The following AHNAK variants were observed in gnomAD, a reference collection of about 807,000 sequenced individuals.
The protein encoded by AHNAK is AHNAK nucleoprotein.
In AHNAK, 23 loss-of-function variants were observed where a neutral mutation model predicts 37.8. That is an observed-to-expected ratio of 0.61 (90% CI 0.44 to 0.86). AHNAK has a LOEUF of 0.86. Ranked by LOEUF, AHNAK falls within the 40% of genes least tolerant of loss-of-function variation. The pLI, the probability that AHNAK is intolerant of heterozygous loss-of-function variation, is 0.00. For synonymous variants in AHNAK, 2,481 were observed against 2,636.3 expected (o/e 0.94, Z 1.80); for missense variants, 7,411 against 7,319.4 (o/e 1.01, Z -0.46).
In AHNAK at chr11:62,516,707, TTA is replaced by T. The variant is rs142437234; in HGVS notation, c.*35_*36del. The T allele has an allele frequency of 1.8e-3, 2,489 of 1,369,656 alleles. No homozygotes were observed. The highest frequency in any genetic ancestry group is 4.7e-3 in the South Asian group (322 of 68,192). The allele number at this position is 1,369,656 out of a possible 1,614,324, so 84.8% of individuals were successfully genotyped here. On this transcript the variant is annotated 3_prime_UTR_variant, in exon 5 of 5. Coordinates refer to ENST00000378024, the MANE Select transcript of AHNAK (RefSeq NM_001620.3). ...CACACCACCCAAGGCTGATGTTTTG[TTA>T]TATATATATATATGTACACACATAC... is the stretch of plus-strand genomic sequence containing the variant.
At chr11:62,462,726 A>G (rs949069735) in intron 5 of AHNAK, among the ~76,000 whole-genome samples, 77 of 152,236 alleles carry the variant, frequency 5.1e-4, no homozygotes, top group African/African-American at 1.9e-3. Flanking sequence ...ACAGTTGATT[A>G]TCTGGTTACA....
intron 5 of AHNAK, among the ~76,000 whole-genome samples, chr11:62,465,201 T>C (rs1938881361): frequency 6.6e-6 from 1 of 152,214 alleles, no homozygotes; most frequent in Non-Finnish European, 1.5e-5. Flanking sequence ...TACACACTGA[T>C]GGCCCTTGCG....
At position 62,528,180 on chromosome 11, in the gene AHNAK, G is replaced by GAAA. The variant is rs1565238562; in HGVS notation, c.6236_6237insTTT (p.Val2079_Ser2080insPhe). 1 of 1,613,860 alleles carries GAAA rather than the reference G, an allele frequency of 6.2e-7. No homozygotes were observed. On this transcript the variant is annotated inframe_insertion, in exon 5 of 5. Coordinates refer to ENST00000378024, the MANE Select transcript of AHNAK (RefSeq NM_001620.3). ...CTTCAACATCCACCTTGGGTCCTGA[G>GAAA]ACAACAACATCAGCCTTGGGCAAGT...
chr11:62,520,446 C>T lies in AHNAK; in HGVS notation c.13971G>A (p.Met4657Ile). The T allele has an allele frequency of 6.2e-7, 1 of 1,614,054 alleles. No individual in the cohort carries two copies. The change falls in exon 5 of 5, where the codon ATG (methionine) becomes ATA (isoleucine). Residue 4657 changes from methionine to isoleucine, a missense_variant. By Grantham distance (10) the Met-to-Ile change is conservative. Coordinates refer to ENST00000378024, the MANE Select transcript of AHNAK (RefSeq NM_001620.3). ...TGAAGCCAGGCATGCTGAACTTGGG[C>T]ATTTTCACTTTGGGCATTTTTAGGT... ...DWHLKMPKVK[M>I]PKFSMPGFKG...
Position 62,546,798 on chromosome 11 carries a change from C to G in AHNAK, c.-238G>C, listed in dbSNP as rs984936595. On this transcript the variant is annotated 5_prime_UTR_variant, in exon 1 of 5. Coordinates refer to ENST00000378024, the MANE Select transcript of AHNAK (RefSeq NM_001620.3). ...TGCAGTCCCCGCGGCAGAGCAGCTCCGAGTGGCCGGGCCCCCGTGCGCGGA... is the reference window on the plus strand; with the variant it reads ...TGCAGTCCCCGCGGCAGAGCAGCTCGGAGTGGCCGGGCCCCCGTGCGCGGA... 3 of 152,656 alleles carry G rather than the reference C, an allele frequency of 2.0e-5. No individual in the cohort carries two copies. The highest frequency in any genetic ancestry group is 2.0e-4 in the Admixed American group (3 of 15,274). The allele number at this position is 152,656 out of a possible 1,614,324, so 9.5% of individuals were successfully genotyped here.
chr11:62,481,110 T>C (rs1446161150), intron 5 of AHNAK, among the ~76,000 whole-genome samples: 5 of 107,766 alleles, frequency 4.6e-5, no homozygotes, highest in African/African-American at 1.3e-4. Context: ...TTTGGTTTTT[T>C]TTTTGTTTTT....
At chr11:62,497,838 C>G (rs111533564) in intron 4 of AHNAK, among the ~76,000 whole-genome samples, 2,880 of 152,138 alleles carry the variant, frequency 0.019, 88 homozygotes, top group African/African-American at 0.065. Flanking sequence ...GTGGCACGCC[C>G]CTGTAATCCC....
chr11:62,533,201 C>T lies in AHNAK; in HGVS notation c.1216G>A (p.Gly406Ser). ...TCCACACTGGGGCCAGTGATGCTAC[C>T]CCCAATTTGGGGAGCAGAGGCATCC... ...GVDASAPQIGGSITGPSVEVQ... is the reference protein window; with the variant it reads ...GVDASAPQIGSSITGPSVEVQ... The change falls in exon 5 of 5, where the codon GGT becomes AGT. Residue 406 changes from glycine (G) to serine (S), a missense_variant. Coordinates refer to ENST00000378024, the MANE Select transcript of AHNAK (RefSeq NM_001620.3). The T allele has an allele frequency of 1.3e-6, 2 of 1,527,828 alleles. No homozygotes were observed. The highest frequency in any genetic ancestry group is 1.8e-6 in the Non-Finnish European group (2 of 1,142,592). 94.6% of individuals were successfully genotyped at this position (1,527,828 alleles called of 1,614,324 possible).
chr11:62,443,987 C>T (rs946711293), intron 5 of AHNAK, among the ~76,000 whole-genome samples: 3 of 152,240 alleles, frequency 2.0e-5, no homozygotes, highest in African/African-American at 7.2e-5. Context: ...GGTCTGTGAA[C>T]GGGAGCTGCG....
downstream of AHNAK, among the ~76,000 whole-genome samples, chr11:62,510,913 T>C (rs1322174520): frequency 2.0e-5 from 3 of 151,774 alleles, no homozygotes; most frequent in African/African-American, 7.3e-5. Context: ...TCAAAATAAA[T>C]ACACTTTAAA....
In AHNAK at chr11:62,528,294, G is replaced by T; in HGVS notation, c.6123C>A (p.Gly2041=). ...TGGGCATCTTCAGGTGCCAGTCTGG[G>T]CCATGAACATCCACATCTGGGGCAT... The part of the protein sequence containing the change: ...DIDAPDVDVH[G]PDWHLKMPKM... The change falls in exon 5 of 5, where the codon GGC becomes GGA. Residue 2041 remains glycine, a synonymous_variant. Transcript: ENST00000378024. The T allele has an allele frequency of 6.2e-7, 1 of 1,614,094 alleles. No individual in the cohort carries two copies. Among genetic ancestry groups the T allele is most frequent in the South Asian group, 1.1e-5 (1 of 91,074 alleles).
chr11:62,521,092 A>G lies in AHNAK; in HGVS notation c.13325T>C (p.Leu4442Ser). The change falls in exon 5 of 5, where the codon TTG becomes TCG. Residue 4442 changes from leucine (L) to serine (S), a missense_variant. By Grantham distance (145) the Leu-to-Ser change is moderately radical. Coordinates refer to ENST00000378024, the MANE Select transcript of AHNAK (RefSeq NM_001620.3). ...DVNIEGPEGK[L>S]KGPKFKMPEM... Reference sequence around the variant, plus strand: ...AGGCATCTTAAATTTGGGCCCCTTCAATTTTCCTTCCGGACCTTCAATATT... The same window carrying G: ...AGGCATCTTAAATTTGGGCCCCTTCGATTTTCCTTCCGGACCTTCAATATT... 1.2e-6 allele frequency: 2 copies of G among 1,613,958 alleles called. No homozygotes were observed. The highest frequency in any genetic ancestry group is 1.7e-6 in the Non-Finnish European group (2 of 1,179,984).
At position 62,530,891 on chromosome 11, in the gene AHNAK, C is replaced by T; in HGVS notation, c.3526G>A (p.Gly1176Arg). ...TTAAACTTGGGACCCTTCAGCTTCC[C>T]TTCTGGACCTTCGAGGCTCACATCT... ...APDVSLEGPE[G>R]KLKGPKFKMP... is the part of the protein sequence containing the mutation. Residue 1176 changes from glycine (G) to arginine (R), a missense_variant, in exon 5 of 5, where the codon GGG (glycine) becomes AGG (arginine). Coordinates refer to ENST00000378024, the MANE Select transcript of AHNAK (RefSeq NM_001620.3). The T allele has an allele frequency of 6.2e-7, 1 of 1,613,904 alleles. No individual in the cohort carries two copies. The highest frequency in any genetic ancestry group is 1.7e-5 in the Admixed American group (1 of 59,998).
At chr11:62,500,480 C>CGATCAGAG (rs1226652043) in intron 4 of AHNAK, among the ~76,000 whole-genome samples, 1 of 152,126 alleles carries the variant, frequency 6.6e-6, no homozygotes, top group East Asian at 1.9e-4. Context: ...CCTTCGTTAA[C>CGATCAGAG]GATCAGAGTC....
chr11:62,499,666 C>T (rs1490311564), intron 4 of AHNAK, among the ~76,000 whole-genome samples: 1 of 152,092 alleles, frequency 6.6e-6, no homozygotes, highest in Non-Finnish European at 1.5e-5. Flanking sequence ...GGGGTGTGGC[C>T]GAGTGCTGGT....
At chr11:62,545,386 TTGGGCCCCTGGAGTCCCTCA>T (rs1462634452) in intron 1 of AHNAK, among the ~76,000 whole-genome samples, 1 of 152,190 alleles carries the variant, frequency 6.6e-6, no homozygotes, top group East Asian at 1.9e-4. Flanking sequence ...CCAGCCCTGT[TTGGGCCCCTGGAGTCCCTCA>T]TGGTCAGCGC....
chr11:62,490,659 G>A (rs1939490399), intron 5 of AHNAK, among the ~76,000 whole-genome samples: 1 of 152,176 alleles, frequency 6.6e-6, no homozygotes, highest in Admixed American at 6.6e-5. Context: ...ATAGAAGGAA[G>A]CGGAGCTCCC....
In AHNAK at chr11:62,517,298, G is replaced by GT; in HGVS notation, c.17118dup (p.Leu5707ThrfsTer12). The GT allele has an allele frequency of 6.2e-7, 1 of 1,614,090 alleles. No individual in the cohort carries two copies. The highest frequency in any genetic ancestry group is 2.2e-5 in the East Asian group (1 of 44,880). On this transcript the variant is annotated frameshift_variant, in exon 5 of 5. Transcript: ENST00000378024. LOFTEE classifies it high-confidence loss of function. ...GGCATTTTGATCTTGGACTTTTTCA[G>GT]TTTGACTTCAGACTCTTCCCACTCG...
At chr11:62,538,205 G>A (rs1941014466) in intron 1 of AHNAK, among the ~76,000 whole-genome samples, 1 of 152,102 alleles carries the variant, frequency 6.6e-6, no homozygotes, top group Admixed American at 6.5e-5. Flanking sequence ...AACAAAGGAG[G>A]CCCCGGCCCC....
Sources: allele counts gnomAD v4.1 joint callset (sites outside exome capture counted in the v4.1 genomes callset), GRCh38; gene constraint gnomAD v4.1.1; transcripts MANE v1.5; gene names NCBI Gene and HGNC (gene_info 2026-07-23, HGNC 2026-07-21).